Variants in CBFA2T2 observed in about 807,000 individuals in gnomAD.
The protein encoded by CBFA2T2 is protein CBFA2T2.
In CBFA2T2, 11 loss-of-function variants were observed where a neutral mutation model predicts 62.2. That is an observed-to-expected ratio of 0.18 (90% CI 0.11 to 0.29). The LOEUF (loss-of-function observed/expected upper bound fraction) is 0.29. CBFA2T2 is among the 10% of genes least tolerant of loss of function. The probability of loss-of-function intolerance (pLI) is 1.00; values close to 1 mark genes in which losing one functional copy is unlikely to be tolerated. For synonymous variants in CBFA2T2, 295 were observed against 287.5 expected, an observed-to-expected ratio of 1.03 and a Z score of -0.27; for missense variants, 592 against 774.1, an observed-to-expected ratio of 0.76 and a Z score of 2.79.
chr20:33,552,572 ATT>A (rs2012769226), intron 1 of CBFA2T2, among the ~76,000 whole-genome samples: 1 of 152,224 alleles, frequency 6.6e-6, no homozygotes, highest in African/African-American at 2.4e-5. Flanking sequence ...TTTTTTGAGC[ATT>A]GTTAAACACT....
intron 1 of CBFA2T2, among the ~76,000 whole-genome samples, chr20:33,518,079 G>C (rs1247552405): frequency 6.6e-6 from 1 of 152,052 alleles, no homozygotes; most frequent in Admixed American, 6.6e-5. Flanking sequence ...CTCCCAAGTA[G>C]CTGGGACTAC....
intron 1 of CBFA2T2, among the ~76,000 whole-genome samples, chr20:33,497,274 CA>C (rs34528525): frequency 0.03 from 1,741 of 58,074 alleles, 22 homozygotes; most frequent in African/African-American, 0.1. Flanking sequence ...ACCCTGTCTC[CA>C]AAAAAAAAAA....
rs2017110354 is a variant in CBFA2T2, at chr20:33,647,948, T to A, written c.*3302T>A. 6.6e-6 allele frequency: 1 copy of A among 152,238 alleles called. No homozygotes were observed. The highest frequency in any genetic ancestry group is 2.4e-5 in the African/African-American group (1 of 41,460). The allele number at this position is 152,238 out of a possible 1,614,324, so 9.4% of individuals were successfully genotyped here. ...AGGGCCTCTGCCCAGGACCTTCTAT[T>A]CACATTTCAAGAATCCCTTTCTGAA... On this transcript the variant is annotated 3_prime_UTR_variant, in exon 11 of 11. Transcript: ENST00000342704.
intron 1 of CBFA2T2, among the ~76,000 whole-genome samples, chr20:33,562,826 C>G (rs2013140210): frequency 6.6e-6 from 1 of 152,164 alleles, no homozygotes; most frequent in African/African-American, 2.4e-5. Flanking sequence ...TTTAATGCTT[C>G]ATTTTATTTA....
intron 1 of CBFA2T2, among the ~76,000 whole-genome samples, chr20:33,603,750 A>G (rs575871389): frequency 5.1e-4 from 78 of 152,352 alleles, no homozygotes; most frequent in Non-Finnish European, 7.3e-5. Flanking sequence ...CCAAGATAGA[A>G]GAGAGTTCAA....
chr20:33,603,669 G>C (rs1303859458), intron 1 of CBFA2T2, among the ~76,000 whole-genome samples: 1 of 152,140 alleles, frequency 6.6e-6, no homozygotes, highest in East Asian at 1.9e-4. Flanking sequence ...GATATGCTAA[G>C]CAATGGTGTT....
intron 1 of CBFA2T2, among the ~76,000 whole-genome samples, chr20:33,583,534 T>TA (rs2014212870): frequency 6.6e-6 from 1 of 152,236 alleles, no homozygotes; most frequent in Non-Finnish European, 1.5e-5. Flanking sequence ...CCCTTTAAAT[T>TA]AAATAATTTA....
chr20:33,513,905 T>TTTG (rs199552942), intron 1 of CBFA2T2, among the ~76,000 whole-genome samples: 13 of 151,152 alleles, frequency 8.6e-5, no homozygotes, highest in Admixed American at 2.6e-4. Flanking sequence ...TGTGTTTTTT[T>TTTG]TTGTTGTTGT....
intron 10 of CBFA2T2, among the ~76,000 whole-genome samples, chr20:33,643,817 A>G (rs868148457): frequency 0.021 from 812 of 38,290 alleles, 35 homozygotes; most frequent in Middle Eastern, 0.079. Context: ...ATATATATAT[A>G]GTATATAATG....
intron 8 of CBFA2T2, among the ~76,000 whole-genome samples, chr20:33,634,483 G>A (rs1315525064): frequency 6.6e-6 from 1 of 151,738 alleles, no homozygotes; most frequent in Non-Finnish European, 1.5e-5. Flanking sequence ...ACCAGCCTGG[G>A]CAACATGGTG....
At position 33,494,438 on chromosome 20, in the gene CBFA2T2, C is replaced by T. The variant is rs576994538; in HGVS notation, c.34+4137C>T. 3.0e-3 allele frequency among the ~76,000 whole-genome samples: 453 copies of T among 150,276 alleles called. 12 individuals are homozygous for T. The highest frequency in any genetic ancestry group is 9.4e-3 in the South Asian group (45 of 4,768). On this transcript the variant is annotated intron_variant, in intron 1 of 10. Coordinates refer to ENST00000342704, the MANE Select transcript of CBFA2T2 (RefSeq NM_001032999.3). ...CTGGGACTACAGGTGCCCGCCGCCA[C>T]GCCTGGCTAATTTTTTGTATTTTTG... is the stretch of plus-strand genomic sequence containing the variant.
chr20:33,503,316 G>A (rs1342045025), intron 1 of CBFA2T2, among the ~76,000 whole-genome samples: 2 of 138,764 alleles, frequency 1.4e-5, no homozygotes, highest in Middle Eastern at 4.1e-3. Context: ...ATGCAGTGGC[G>A]CAATCTCAGC....
intron 1 of CBFA2T2, among the ~76,000 whole-genome samples, chr20:33,575,651 A>G (rs1033101659): frequency 2.0e-5 from 3 of 152,150 alleles, no homozygotes; most frequent in African/African-American, 7.2e-5. Context: ...AATCTCACCA[A>G]ATTATCGGGT....
At chr20:33,604,943 T>G (rs1329544313) in intron 1 of CBFA2T2, among the ~76,000 whole-genome samples, 2 of 152,154 alleles carry the variant, frequency 1.3e-5, no homozygotes, top group Non-Finnish European at 2.9e-5. Flanking sequence ...AGCTCATTAG[T>G]CCACTAATCA....
In CBFA2T2 at chr20:33,623,399, C is replaced by CA. The variant is rs2016073090; in HGVS notation, c.692+106dup. On this transcript the variant is annotated intron_variant, in intron 5 of 10. Coordinates refer to ENST00000342704, the MANE Select transcript of CBFA2T2 (RefSeq NM_001032999.3). ...TTTGATTGCTGTGGTTGTAATGTCT[C>CA]AAACTTTTTTTGAGACAAGGCCTGG... 1.1e-5 allele frequency: 15 copies of CA among 1,394,004 alleles called. No individual in the cohort carries two copies. In the South Asian group the frequency reaches 1.8e-4, roughly 17 times the overall value. 86.4% of individuals were successfully genotyped at this position (1,394,004 alleles called of 1,614,324 possible).
intron 1 of CBFA2T2, among the ~76,000 whole-genome samples, chr20:33,513,551 C>CG (rs1407954647): frequency 1.3e-5 from 2 of 151,446 alleles, no homozygotes; most frequent in Non-Finnish European, 2.9e-5. Flanking sequence ...TTAGTAGAGA[C>CG]GGGGTTTCAC....
intron 1 of CBFA2T2, among the ~76,000 whole-genome samples, chr20:33,501,630 CTTTTTTT>C (rs869281966): frequency 1.9e-3 from 120 of 63,258 alleles, no homozygotes; most frequent in African/African-American, 6.9e-3. Flanking sequence ...CTTAGCCTTC[CTTTTTTT>C]TTTTTTTTTT....
chr20:33,523,941 C>T (rs1255945189), intron 1 of CBFA2T2, among the ~76,000 whole-genome samples: 1 of 152,162 alleles, frequency 6.6e-6, no homozygotes, highest in Non-Finnish European at 1.5e-5. Context: ...GCCTCGGCCT[C>T]CCAAAGTGCT....
At chr20:33,521,068 C>T (rs540820252) in intron 1 of CBFA2T2, among the ~76,000 whole-genome samples, 3 of 150,740 alleles carry the variant, frequency 2.0e-5, no homozygotes, top group South Asian at 4.2e-4. Context: ...GGACATTTCT[C>T]GGAGGATTTA....
Sources: gnomAD v4.1 joint callset for allele counts (sites outside exome capture counted in the v4.1 genomes callset) on GRCh38, gnomAD v4.1.1 for gene constraint, MANE v1.5 for transcripts, NCBI Gene and HGNC (gene_info 2026-07-23, HGNC 2026-07-21) for gene names.